The following FLNB variants were observed in gnomAD, a reference collection of about 807,000 sequenced individuals.
The protein encoded by FLNB is filamin B, also known as filamin-B.
Under a neutral mutation model 250.6 loss-of-function variants are expected in FLNB, and 111 were observed. The ratio of observed to expected loss-of-function variants is 0.44; its 90% CI spans 0.38 to 0.52. FLNB has a LOEUF of 0.52. Ranked by LOEUF, FLNB falls within the 20% of genes least tolerant of loss-of-function variation. The probability of loss-of-function intolerance (pLI) is 0.00; values close to 1 mark genes in which losing one functional copy is unlikely to be tolerated. For synonymous variants in FLNB, 1,302 were observed against 1,372.1 expected, an observed-to-expected ratio of 0.95 and a Z score of 1.13; for missense variants, 2,869 against 3,447.8, an observed-to-expected ratio of 0.83 and a Z score of 4.20.
intron 25 of FLNB, 33 bp from the exon 26 acceptor site, chr3:58,132,775 G>C (rs762737492): frequency 6.2e-7 from 1 of 1,613,950 alleles, no homozygotes. Context: ...GTGAGGCCAG[G>C]CAGCTCCTTA....
chr3:58,093,863 C>T (rs2097232927), intron 4 of FLNB, among the ~76,000 whole-genome samples: 1 of 152,078 alleles, frequency 6.6e-6, no homozygotes, highest in Admixed American at 6.5e-5. Context: ...TGAAAAAGGC[C>T]ACTCCTAAAA....
rs2097263416 is a variant in FLNB at position 58,108,522 on chromosome 3, CT to C, written c.2007del (p.Val670TrpfsTer11). The C allele has an allele frequency of 6.2e-7, 1 of 1,614,148 alleles. No homozygotes were observed. Among genetic ancestry groups the C allele is most frequent in the African/African-American group, 1.3e-5 (1 of 75,050 alleles). On this transcript the variant is annotated frameshift_variant, in exon 13 of 46. Coordinates refer to ENST00000295956, the MANE Select transcript of FLNB (RefSeq NM_001457.4). LOFTEE classifies it high-confidence loss of function. The part of the protein sequence containing the change: ...GCIVNNLAEF[T>X]VDPKDAGKAP... ...ATTGTCAACAACCTGGCCGAGTTCA[CT>C]GTGGATCCTAAGGATGCTGGAAAAG...
chr3:58,081,635 A>G lies in FLNB; in HGVS notation c.646A>G (p.Thr216Ala). 1.2e-6 allele frequency: 2 copies of G among 1,613,882 alleles called. No individual in the cohort carries two copies. Among genetic ancestry groups the G allele is most frequent in the Non-Finnish European group, 1.7e-6 (2 of 1,179,942 alleles). ...CACCATGTCATTATCCTAGGTCATC[A>G]CTCCTGAAGAAATCATTCACCCGGA... ...DDWLGVPQVITPEEIIHPDVD... is the reference protein window; with the variant it reads ...DDWLGVPQVIAPEEIIHPDVD... Residue 216 changes from threonine (T) to alanine (A), a missense_variant, in exon 4 of 46, where the codon ACT becomes GCT. Coordinates refer to ENST00000295956, the MANE Select transcript of FLNB (RefSeq NM_001457.4).
intron 4 of FLNB, 54 bp from the exon 5 acceptor site, chr3:58,094,782 G>A (rs1654062197): frequency 6.9e-7 from 1 of 1,457,020 alleles, no homozygotes; most frequent in Admixed American, 1.7e-5. Flanking sequence ...GTGGGCGATG[G>A]CTCATGACAC....
chr3:58,061,956 TG>T (rs955587765), intron 1 of FLNB, among the ~76,000 whole-genome samples: 39 of 151,470 alleles, frequency 2.6e-4, no homozygotes, highest in Admixed American at 2.2e-3. Flanking sequence ...CTGGGCATGA[TG>T]GGGGGCGCCT....
At chr3:58,037,559 C>T (rs1412310870) in intron 1 of FLNB, among the ~76,000 whole-genome samples, 4 of 152,174 alleles carry the variant, frequency 2.6e-5, no homozygotes, top group Admixed American at 1.3e-4. Context: ...TGATTTCCCT[C>T]GTGAAGTCCT....
At position 58,153,520 on chromosome 3, in the gene FLNB, C is replaced by T. The variant is rs1186434061; in HGVS notation, c.6513C>T (p.Tyr2171=). 2 of 1,614,060 alleles carry T rather than the reference C, an allele frequency of 1.2e-6. No individual in the cohort carries two copies. Among genetic ancestry groups the T allele is most frequent in the African/African-American group, 2.7e-5 (2 of 74,956 alleles). ...GCGTGCACACGGTCAGCGTCAAGTA[C>T]CGTGGGCAGCACGTCACCGGCAGCC... The part of the protein sequence containing the change: ...EMGVHTVSVK[Y]RGQHVTGSPF... Residue 2171 remains tyrosine, a synonymous_variant, in exon 39 of 46, where the codon TAC becomes TAT. Transcript: ENST00000295956.
In FLNB at chr3:58,167,589, T is replaced by G. The variant is rs561015970; in HGVS notation, c.7199-851T>G. 3.9e-5 allele frequency among the ~76,000 whole-genome samples: 6 copies of G among 152,324 alleles called. No homozygotes were observed. In the East Asian group the frequency reaches 1.2e-3, roughly 29 times the overall value. On this transcript the variant is annotated intron_variant, in intron 43 of 45. Transcript: ENST00000295956. ...CAGACCTGATGACTGAAGGAGGCTC[T>G]CCCTGGGCCAGCTAAGTTGTCTCAG...
chr3:58,105,107 A>G lies in FLNB; in HGVS notation c.1638A>G (p.Glu546=), dbSNP rs2097257549. The change falls in exon 11 of 46, where the codon GAA becomes GAG. Residue 546 remains glutamate, a synonymous_variant. Transcript: ENST00000295956. ...CCTTTGAAGTTCAAGTTGGCCCTGA[A>G]GCGGGTATGCAGAAAGTCCGTGCTT... The part of the protein sequence containing the change: ...KSPFEVQVGP[E]AGMQKVRAWG... 1 of 1,614,176 alleles carries G rather than the reference A, an allele frequency of 6.2e-7. No homozygotes were observed. The highest frequency in any genetic ancestry group is 1.3e-5 in the African/African-American group (1 of 75,038).
intron 32 of FLNB, among the ~76,000 whole-genome samples, chr3:58,144,699 G>A (rs1422073717): frequency 6.6e-6 from 1 of 152,218 alleles, no homozygotes; most frequent in African/African-American, 2.4e-5. Flanking sequence ...CAGAGGGGCT[G>A]TTGCAGTTCA....
intron 1 of FLNB, among the ~76,000 whole-genome samples, chr3:58,057,450 A>G (rs2097172238): frequency 6.6e-6 from 1 of 152,134 alleles, no homozygotes; most frequent in Admixed American, 6.5e-5. Flanking sequence ...CCTGAGATGG[A>G]GCTGTGCCTG....
intron 1 of FLNB, among the ~76,000 whole-genome samples, chr3:58,023,757 A>G (rs1174502512): frequency 6.6e-6 from 1 of 152,188 alleles, no homozygotes; most frequent in Non-Finnish European, 1.5e-5. Context: ...CTTGGTCTAG[A>G]AATATGTTTG....
chr3:58,055,751 A>G (rs1029149711), intron 1 of FLNB, among the ~76,000 whole-genome samples: 5 of 152,206 alleles, frequency 3.3e-5, no homozygotes, highest in Admixed American at 6.5e-5. Flanking sequence ...CTCTCTGAAG[A>G]CTGTACTCTT....
At chr3:58,157,226 G>A (rs910953597) in intron 41 of FLNB, among the ~76,000 whole-genome samples, 14 of 152,246 alleles carry the variant, frequency 9.2e-5, no homozygotes, top group African/African-American at 2.2e-4. Flanking sequence ...TGAACTGGGA[G>A]TAGCAATTAA....
At chr3:58,011,950 C>A (rs2097099500) in intron 1 of FLNB, among the ~76,000 whole-genome samples, 8 of 152,308 alleles carry the variant, frequency 5.3e-5, no homozygotes, top group Middle Eastern at 3.4e-3. Flanking sequence ...GTGGCTCACG[C>A]CTGTAATCCC....
At chr3:58,145,843 G>A (rs1287425352) in intron 32 of FLNB, 78 bp from the exon 33 acceptor site, 40 of 1,591,434 alleles carry the variant, frequency 2.5e-5, no homozygotes, top group Non-Finnish European at 2.4e-5. Flanking sequence ...AGAGGTGGAC[G>A]TCAAGATGCC....
chr3:58,109,356 G>C, intron 14 of FLNB, 34 bp downstream of exon 14: 1 of 1,601,744 alleles, frequency 6.2e-7, no homozygotes, highest in Non-Finnish European at 8.5e-7. Flanking sequence ...GCTGTTTTAT[G>C]GAAATGCCTG....
chr3:58,154,759 C>T (rs1352296300), intron 39 of FLNB, 32 bp from the exon 40 acceptor site: 1 of 1,612,336 alleles, frequency 6.2e-7, no homozygotes, highest in Non-Finnish European at 8.5e-7. Context: ...CTGTGGGGCT[C>T]AGTCACTAAC....
At chr3:58,100,763 GT>G (rs1431884831) in intron 8 of FLNB, among the ~76,000 whole-genome samples, 1 of 151,388 alleles carries the variant, frequency 6.6e-6, no homozygotes, top group Non-Finnish European at 1.5e-5. Flanking sequence ...GCCTGGCTAA[GT>G]TTTTTTGTAC....
Sources: gnomAD v4.1 joint callset for allele counts (sites outside exome capture counted in the v4.1 genomes callset) on GRCh38, gnomAD v4.1.1 for gene constraint, MANE v1.5 for transcripts, NCBI Gene and HGNC (gene_info 2026-07-23, HGNC 2026-07-21) for gene names.